BRIP1: variants seen among roughly 807,000 people sequenced by gnomAD.
BRIP1 encodes BRCA1 interacting DNA helicase 1, also known as Fanconi anemia group J protein.
In BRIP1, 88 loss-of-function variants were observed where a neutral mutation model predicts 119.7. That is an observed-to-expected ratio of 0.74 (90% CI 0.62 to 0.88). The LOEUF (loss-of-function observed/expected upper bound fraction) is 0.88. BRIP1 is among the 40% of genes least tolerant of loss of function. BRIP1 has a pLI of 0.00. For missense variants in BRIP1, 1,259 were observed against 1,455.4 expected (o/e 0.87, Z 2.20); for synonymous variants, 443 against 496.5 (o/e 0.89, Z 1.43).
At chr17:61,764,463 A>C (rs1236157589) in intron 14 of BRIP1, among the ~76,000 whole-genome samples, 1 of 152,148 alleles carries the variant, frequency 6.6e-6, no homozygotes, top group Non-Finnish European at 1.5e-5. Flanking sequence ...GACCTCTGGG[A>C]TAAGTATATT....
chr17:61,802,272 G>C lies in BRIP1; in HGVS notation c.919-798C>G, dbSNP rs2078007503. Among the ~76,000 whole-genome samples the C allele has an allele frequency of 6.6e-6, 1 of 152,088 alleles. No homozygotes were observed. The highest frequency in any genetic ancestry group is 6.5e-5 in the Admixed American group (1 of 15,272). On this transcript the variant is annotated intron_variant, in intron 7 of 19. Transcript: ENST00000259008. The surrounding 1 kb of genome is among the most constrained non-coding windows in gnomAD (Gnocchi z 6.0). ...GGTGAGGAGTTTGATACCAGCCTGG[G>C]CAATGTAGCAAAACCCTGTCTCTAC...
In BRIP1 at chr17:61,738,534, T is replaced by C. The variant is rs374342956; in HGVS notation, c.2379+4479A>G. On this transcript the variant is annotated intron_variant, in intron 16 of 19. Coordinates refer to ENST00000259008, the MANE Select transcript of BRIP1 (RefSeq NM_032043.3). The surrounding 1 kb of genome is among the most constrained non-coding windows in gnomAD (Gnocchi z 4.2). ...AGCAGAACTATGACAAATAGGATCA[T>C]GACTGAGGAATGTCAGAGTAGGCCA... Among the ~76,000 whole-genome samples the C allele has an allele frequency of 1.4e-4, 21 of 152,268 alleles. No homozygotes were observed. Among genetic ancestry groups the C allele is most frequent in the African/African-American group, 4.6e-4 (19 of 41,550 alleles).
chr17:61,685,679 C>A, intron 19 of BRIP1, 157 bp downstream of exon 19: 1 of 714,820 alleles, frequency 1.4e-6, no homozygotes, highest in South Asian at 1.9e-5. Context: ...AGTTTGTTCC[C>A]ATTACAGTAC....
intron 6 of BRIP1, among the ~76,000 whole-genome samples, chr17:61,811,470 G>T (rs533073270): frequency 1.3e-4 from 19 of 151,980 alleles, no homozygotes; most frequent in Admixed American, 6.5e-4. Flanking sequence ...TGATCCGCCT[G>T]CATCGGCCTC....
At chr17:61,830,092 C>G (rs2078468206) in intron 6 of BRIP1, among the ~76,000 whole-genome samples, 1 of 151,938 alleles carries the variant, frequency 6.6e-6, no homozygotes, top group Admixed American at 6.6e-5. Flanking sequence ...ACCACCATGC[C>G]TGGCTAATTG....
intron 8 of BRIP1, among the ~76,000 whole-genome samples, chr17:61,800,589 A>G (rs10515211): frequency 0.2 from 30,144 of 152,186 alleles, 3,758 homozygotes; most frequent in Admixed American, 0.36. Flanking sequence ...AGGCAGATAA[A>G]AGGATGTAAT....
Position 61,799,006 on chromosome 17 carries a change from A to T in BRIP1, c.1340+94T>A. On this transcript the variant is annotated intron_variant, in intron 9 of 19. Coordinates refer to ENST00000259008, the MANE Select transcript of BRIP1 (RefSeq NM_032043.3). This position sits in a 1 kb window ranked among gnomAD's most constrained non-coding sequence, Gnocchi z 5.1. ...AATTCATTTCCCAAGAAGCCTAGTTAACCAAAGTTTACTAACTTTAAATAC... is the reference window on the plus strand; with the variant it reads ...AATTCATTTCCCAAGAAGCCTAGTTTACCAAAGTTTACTAACTTTAAATAC... 8.0e-7 allele frequency: 1 copy of T among 1,255,070 alleles called. No homozygotes were observed. The highest frequency in any genetic ancestry group is 1.2e-6 in the Non-Finnish European group (1 of 863,234). The allele number at this position is 1,255,070 out of a possible 1,614,324, so 77.7% of individuals were successfully genotyped here. A position where few individuals can be genotyped will look rare whatever the true frequency, so the allele number is the denominator to read the frequency against.
chr17:61,715,979 A>G lies in BRIP1; in HGVS notation c.2464T>C (p.Tyr822His), dbSNP rs760887592. 2.5e-6 allele frequency: 4 copies of G among 1,607,178 alleles called. No individual in the cohort carries two copies. Among genetic ancestry groups the G allele is most frequent in the Non-Finnish European group, 3.4e-6 (4 of 1,175,574 alleles). The change falls in exon 17 of 20, where the codon TAC (tyrosine) becomes CAC (histidine). Residue 822 changes from tyrosine (Y) to histidine (H), a missense_variant. By Grantham distance (83) the Tyr-to-His change is moderately conservative. Transcript: ENST00000259008. ...CCAAGGGCCTGGTTTAAGGCCCTGT[A>G]TGCTTGAATTTCATACCACTGACGG... Reference protein sequence around the residue: ...PGRQWYEIQAYRALNQALGRC... With the variant: ...PGRQWYEIQAHRALNQALGRC...
rs1404252565 is a variant in BRIP1, at chr17:61,709,160, A to G, written c.2492+6791T>C. 4.6e-5 allele frequency among the ~76,000 whole-genome samples: 7 copies of G among 152,190 alleles called. No homozygotes were observed. The highest frequency in any genetic ancestry group is 8.8e-5 in the Non-Finnish European group (6 of 68,016). ...CTCCAAATCCTAGGCTTTTTCATGC[A>G]TAAATCTGAAAGTGCTTGTTGACTA... On this transcript the variant is annotated intron_variant, in intron 17 of 19. Coordinates refer to ENST00000259008, the MANE Select transcript of BRIP1 (RefSeq NM_032043.3). This position sits in a 1 kb window ranked among gnomAD's most constrained non-coding sequence, Gnocchi z 5.0.
In BRIP1 at chr17:61,861,439, ATACT is replaced by A. The variant is rs1224034842; in HGVS notation, c.93+4_93+7del. Reference sequence around the variant, plus strand: ...TTAATAAAAACTTAACTGCTGAAAAATACTTACAGAATTCATCATAGCAAGCTGT... The same window carrying A: ...TTAATAAAAACTTAACTGCTGAAAAATACAGAATTCATCATAGCAAGCTGT... On this transcript the variant is annotated splice_donor_5th_base_variant and intron_variant, in intron 2 of 19. Coordinates refer to ENST00000259008, the MANE Select transcript of BRIP1 (RefSeq NM_032043.3). The surrounding 1 kb of genome is among the most constrained non-coding windows in gnomAD (Gnocchi z 4.5). 3.8e-6 allele frequency: 6 copies of A among 1,592,524 alleles called. No individual in the cohort carries two copies. In the African/African-American group the frequency reaches 6.7e-5, roughly 18 times the overall value.
At position 61,770,108 on chromosome 17, in the gene BRIP1, G is replaced by A. The variant is rs552985948; in HGVS notation, c.2097+6293C>T. ...TTACCAGATCCTTATCCAACATGAG[G>A]GAAGGGATCATTTCCTAAACTGCAG... On this transcript the variant is annotated intron_variant, in intron 14 of 19. Transcript: ENST00000259008. The surrounding 1 kb of genome is among the most constrained non-coding windows in gnomAD (Gnocchi z 4.7). 2.0e-5 allele frequency among the ~76,000 whole-genome samples: 3 copies of A among 152,310 alleles called. No individual in the cohort carries two copies. The South Asian group carries it at 6.2e-4, about 32-fold the overall frequency.
intron 6 of BRIP1, among the ~76,000 whole-genome samples, chr17:61,833,457 G>A (rs761065325): frequency 2.6e-5 from 4 of 152,132 alleles, no homozygotes; most frequent in African/African-American, 4.8e-5. Context: ...ATCATTTGAG[G>A]TTGGGAGTTC....
rs1275717867 is a variant in BRIP1 at position 61,757,812 on chromosome 17, C to A, written c.2098-13221G>T. ...CTCAGGATTTCAAGACCAGCCTGGGCAACATGGCTAAACCCCATCTCTACA... is the reference window on the plus strand; with the variant it reads ...CTCAGGATTTCAAGACCAGCCTGGGAAACATGGCTAAACCCCATCTCTACA... On this transcript the variant is annotated intron_variant, in intron 14 of 19. Transcript: ENST00000259008. The surrounding 1 kb of genome is among the most constrained non-coding windows in gnomAD (Gnocchi z 4.3). 6.6e-6 allele frequency among the ~76,000 whole-genome samples: 1 copy of A among 151,898 alleles called. No homozygotes were observed. The highest frequency in any genetic ancestry group is 1.5e-5 in the Non-Finnish European group (1 of 67,964).
At chr17:61,773,719 G>T (rs2077492897) in intron 14 of BRIP1, among the ~76,000 whole-genome samples, 3 of 151,680 alleles carry the variant, frequency 2.0e-5, no homozygotes, top group Admixed American at 1.3e-4. Flanking sequence ...AATCTACAAA[G>T]AACTTAAACA....
At chr17:61,750,848 C>T (rs1340250298) in intron 14 of BRIP1, among the ~76,000 whole-genome samples, 5 of 152,108 alleles carry the variant, frequency 3.3e-5, no homozygotes, top group African/African-American at 7.2e-5. Context: ...TGCAAGGACA[C>T]GCAGAAACTG....
Position 61,693,576 on chromosome 17 carries a change from G to GGT in BRIP1, c.2493-65_2493-64insAC. ...CGGAAATAAATCCAGTTTTCCAGTG[G>GGT]GACAGACAGAAAATTGGAAAAAAAT... On this transcript the variant is annotated intron_variant, in intron 17 of 19. Transcript: ENST00000259008. This position sits in a 1 kb window ranked among gnomAD's most constrained non-coding sequence, Gnocchi z 4.2. 1 of 1,374,252 alleles carries GGT rather than the reference G, an allele frequency of 7.3e-7. No homozygotes were observed. The highest frequency in any genetic ancestry group is 1.0e-6 in the Non-Finnish European group (1 of 967,314). The allele number at this position is 1,374,252 out of a possible 1,614,324, so 85.1% of individuals were successfully genotyped here. A position where few individuals can be genotyped will look rare whatever the true frequency, so the allele number is the denominator to read the frequency against.
rs1284351922 is a variant in BRIP1 at position 61,852,824 on chromosome 17, T to A, written c.380-3568A>T. Among the ~76,000 whole-genome samples the A allele has an allele frequency of 6.6e-6, 1 of 152,180 alleles. No individual in the cohort carries two copies. The highest frequency in any genetic ancestry group is 1.5e-5 in the Non-Finnish European group (1 of 68,030). On this transcript the variant is annotated intron_variant, in intron 4 of 19. Coordinates refer to ENST00000259008, the MANE Select transcript of BRIP1 (RefSeq NM_032043.3). The surrounding 1 kb of genome is among the most constrained non-coding windows in gnomAD (Gnocchi z 4.9). ...ACACAAGAATGACTAACTTTTTTTTTAAACTATAAATATCAAGTACTAACA... is the reference window on the plus strand; with the variant it reads ...ACACAAGAATGACTAACTTTTTTTTAAAACTATAAATATCAAGTACTAACA...
intron 14 of BRIP1, among the ~76,000 whole-genome samples, chr17:61,772,247 G>A (rs1279382904): frequency 7.1e-6 from 1 of 141,284 alleles, no homozygotes; most frequent in Non-Finnish European, 1.5e-5. Context: ...GGATTCCGAT[G>A]TATGCTACAA....
chr17:61,732,549 G>A (rs1207041243), intron 16 of BRIP1, among the ~76,000 whole-genome samples: 1 of 152,000 alleles, frequency 6.6e-6, no homozygotes, highest in Non-Finnish European at 1.5e-5. Context: ...ATATGTTCCT[G>A]TTCTTCCATA....
Sources: gnomAD v4.1 joint callset for allele counts (sites outside exome capture counted in the v4.1 genomes callset) on GRCh38, gnomAD v4.1.1 for gene constraint, Gnocchi (gnomAD v3.1) non-coding constraint, MANE v1.5 for transcripts, NCBI Gene and HGNC (gene_info 2026-07-23, HGNC 2026-07-21) for gene names.